Variants in TMPRSS11F observed in about 807,000 individuals in gnomAD.
TMPRSS11F encodes transmembrane serine protease 11F.
Under a neutral mutation model 60.2 loss-of-function variants are expected in TMPRSS11F, and 47 were observed. That is an observed-to-expected ratio of 0.78 (90% confidence interval 0.62 to 1.00). The LOEUF (loss-of-function observed/expected upper bound fraction) is 1.00, where lower values mean the gene tolerates loss of function less well. Ranked by LOEUF, TMPRSS11F falls within the 50% of genes least tolerant of loss-of-function variation. The probability of loss-of-function intolerance (pLI) is 0.00; values close to 1 mark genes in which losing one functional copy is unlikely to be tolerated. For synonymous variants in TMPRSS11F, 166 were observed against 167.3 expected, an observed-to-expected ratio of 0.99 and a Z score of 0.06; for missense variants, 519 against 522.9, an observed-to-expected ratio of 0.99 and a Z score of 0.07.
chr4:68,065,968 T>C (rs1375678350), intron 7 of TMPRSS11F, among the ~76,000 whole-genome samples: 1 of 151,836 alleles, frequency 6.6e-6, no homozygotes, highest in African/African-American at 2.4e-5. Flanking sequence ...ATACAAAAAT[T>C]AGCTGGGTGT....
intron 1 of TMPRSS11F, among the ~76,000 whole-genome samples, chr4:68,121,954 T>G (rs912263468): frequency 6.6e-6 from 1 of 152,214 alleles, no homozygotes; most frequent in Non-Finnish European, 1.5e-5. Context: ...CCAAGTGGCC[T>G]TATCATTGCC....
intron 5 of TMPRSS11F, among the ~76,000 whole-genome samples, chr4:68,071,805 C>G (rs1370385462): frequency 6.6e-6 from 1 of 152,136 alleles, no homozygotes; most frequent in Admixed American, 6.5e-5. Context: ...AAGTTGGAAA[C>G]AAGCTAGAGA....
intron 3 of TMPRSS11F, among the ~76,000 whole-genome samples, chr4:68,090,238 A>T (rs1723896207): frequency 6.6e-6 from 1 of 152,006 alleles, no homozygotes. Flanking sequence ...TGAATCGAAA[A>T]CGATAAAATC....
intron 1 of TMPRSS11F, among the ~76,000 whole-genome samples, chr4:68,124,979 A>G (rs1449713671): frequency 7.5e-6 from 1 of 134,050 alleles, no homozygotes. Flanking sequence ...CATAGTACAA[A>G]AGACTTTTCA....
chr4:68,124,059 A>G (rs961202523), intron 1 of TMPRSS11F, among the ~76,000 whole-genome samples: 2 of 152,088 alleles, frequency 1.3e-5, no homozygotes, highest in East Asian at 1.9e-4. Context: ...CATCTCTACT[A>G]AAAATACAAA....
At chr4:68,059,242 TC>T (rs1723106426) in intron 9 of TMPRSS11F, 83 bp downstream of exon 9, 1 of 1,424,672 alleles carries the variant, frequency 7.0e-7, no homozygotes, top group Non-Finnish European at 9.5e-7. Context: ...CATTTTTTTT[TC>T]TCCTAGGTAA....
chr4:68,064,234 G>C (rs1723272640), intron 8 of TMPRSS11F, among the ~76,000 whole-genome samples: 1 of 150,486 alleles, frequency 6.6e-6, no homozygotes, highest in African/African-American at 2.5e-5. Context: ...ACCCAGGTAG[G>C]AGTGCAATGT....
intron 2 of TMPRSS11F, among the ~76,000 whole-genome samples, chr4:68,092,006 G>A (rs778831665): frequency 2.0e-5 from 3 of 151,862 alleles, no homozygotes; most frequent in South Asian, 2.1e-4. Flanking sequence ...GGCTGGTCTC[G>A]AACTCCTGAC....
At position 68,064,771 on chromosome 4, in the gene TMPRSS11F, T is replaced by G; in HGVS notation, c.929A>C (p.Gln310Pro). 6.2e-7 allele frequency: 1 copy of G among 1,614,198 alleles called. No homozygotes were observed. The highest frequency in any genetic ancestry group is 8.5e-7 in the Non-Finnish European group (1 of 1,180,032). ...AGATGAGTCTGGGAGGCAAACTCTCTGGACTATATTTGAAAACTCAACTCC... is the reference window on the plus strand; with the variant it reads ...AGATGAGTCTGGGAGGCAAACTCTCGGGACTATATTTGAAAACTCAACTCC... ...STGVEFSNIV[Q>P]RVCLPDSSIK... The change falls in exon 8 of 10, where the codon CAG (glutamine) becomes CCG (proline). Residue 310 changes from glutamine to proline, a missense_variant. Transcript: ENST00000356291.
chr4:68,114,263 T>G (rs982274817), intron 1 of TMPRSS11F, among the ~76,000 whole-genome samples: 1 of 151,178 alleles, frequency 6.6e-6, no homozygotes, highest in South Asian at 2.1e-4. Context: ...ATAAAGAAAC[T>G]GATGAAATTG....
intron 3 of TMPRSS11F, among the ~76,000 whole-genome samples, chr4:68,090,122 A>G (rs1406910376): frequency 6.6e-6 from 1 of 152,138 alleles, no homozygotes; most frequent in Non-Finnish European, 1.5e-5. Flanking sequence ...AATTATAGCT[A>G]TACCACGTCC....
At chr4:68,075,894 G>A (rs1723573751) in intron 3 of TMPRSS11F, among the ~76,000 whole-genome samples, 1 of 151,908 alleles carries the variant, frequency 6.6e-6, no homozygotes, top group Non-Finnish European at 1.5e-5. Flanking sequence ...TCGGGAGGCT[G>A]AAGCAGAAGA....
At chr4:68,100,850 G>T (rs1724177781) in intron 1 of TMPRSS11F, among the ~76,000 whole-genome samples, 1 of 152,052 alleles carries the variant, frequency 6.6e-6, no homozygotes, top group Non-Finnish European at 1.5e-5. Flanking sequence ...AAATGAAAAA[G>T]TTACTATGTA....
rs559724460 is a variant in TMPRSS11F, at chr4:68,060,278, C to T, written c.1016-810G>A. ...ATCCCAGTACTTTGGGAAGCGGAGG[C>T]GGGCGGATCATGAGGTCAGGAGATC... is the stretch of plus-strand genomic sequence containing the variant. On this transcript the variant is annotated intron_variant, in intron 8 of 9. Transcript: ENST00000356291. Among the ~76,000 whole-genome samples the T allele has an allele frequency of 1.6e-3, 243 of 150,426 alleles. 2 individuals carry two copies. The highest frequency in any genetic ancestry group is 5.2e-3 in the African/African-American group (211 of 40,884).
chr4:68,053,830 G>A lies in TMPRSS11F; in HGVS notation c.*79C>T. On this transcript the variant is annotated 3_prime_UTR_variant, in exon 10 of 10. Transcript: ENST00000356291. ...CATCTAGCAAAAGCACTAATCCAAAGTAAATGAATTTAAACAATACAAAAT... is the reference window on the plus strand; with the variant it reads ...CATCTAGCAAAAGCACTAATCCAAAATAAATGAATTTAAACAATACAAAAT... 7.1e-7 allele frequency: 1 copy of A among 1,408,370 alleles called. No individual in the cohort carries two copies. The highest frequency in any genetic ancestry group is 9.7e-7 in the Non-Finnish European group (1 of 1,025,908). 87.2% of individuals were successfully genotyped at this position (1,408,370 alleles called of 1,614,324 possible). A position where few individuals can be genotyped will look rare whatever the true frequency, so the allele number is the denominator to read the frequency against.
chr4:68,061,939 G>A (rs1723187162), intron 8 of TMPRSS11F: 2 of 430,698 alleles, frequency 4.6e-6, no homozygotes, highest in Admixed American at 2.7e-5. Flanking sequence ...GTATGAAAAC[G>A]AATGCTTGTC....
chr4:68,125,097 A>T (rs990287751), intron 1 of TMPRSS11F, among the ~76,000 whole-genome samples: 11 of 151,382 alleles, frequency 7.3e-5, no homozygotes, highest in Non-Finnish European at 1.2e-4. Context: ...GACTTCATAA[A>T]CTTGAACCAT....
At chr4:68,111,698 A>G (rs1724412310) in intron 1 of TMPRSS11F, among the ~76,000 whole-genome samples, 1 of 152,214 alleles carries the variant, frequency 6.6e-6, no homozygotes, top group Non-Finnish European at 1.5e-5. Context: ...TTTTTCTGCC[A>G]GCATGGTGGT....
intron 1 of TMPRSS11F, among the ~76,000 whole-genome samples, chr4:68,103,176 C>T (rs1422324990): frequency 6.6e-6 from 1 of 152,106 alleles, no homozygotes; most frequent in Admixed American, 6.6e-5. Flanking sequence ...CACAGTGGCT[C>T]ATGCCTACAG....
Sources: allele counts gnomAD v4.1 joint callset (sites outside exome capture counted in the v4.1 genomes callset), GRCh38; gene constraint gnomAD v4.1.1; transcripts MANE v1.5; gene names NCBI Gene and HGNC (gene_info 2026-07-23, HGNC 2026-07-21).